TMEM175: variants seen among roughly 807,000 people sequenced by gnomAD.
TMEM175 encodes the protein endosomal/lysosomal proton channel TMEM175.
In TMEM175, 36 loss-of-function variants were observed where a neutral mutation model predicts 36.5. That is an observed-to-expected ratio of 0.99 (90% CI 0.76 to 1.30). The LOEUF is 1.30. Among genes scored for constraint, TMEM175 ranks in the 50% most tolerant of loss-of-function variants. The pLI is 0.00. For missense variants in TMEM175, 705 were observed against 692.8 expected, an observed-to-expected ratio of 1.02 and a Z score of -0.20; for synonymous variants, 339 against 313.4, an observed-to-expected ratio of 1.08 and a Z score of -0.86.
chr4:937,733 T>C (rs1324993911), intron 1 of TMEM175, among the ~76,000 whole-genome samples: 2 of 152,230 alleles, frequency 1.3e-5, no homozygotes, highest in Non-Finnish European at 2.9e-5. Flanking sequence ...ACAAAGACGT[T>C]ACTAGAAAAT....
At chr4:936,926 C>G (rs1726854994) in intron 1 of TMEM175, among the ~76,000 whole-genome samples, 1 of 151,606 alleles carries the variant, frequency 6.6e-6, no homozygotes, top group Non-Finnish European at 1.5e-5. Context: ...CACGGCACTC[C>G]AGTCTAGCGA....
intron 3 of TMEM175, among the ~76,000 whole-genome samples, chr4:949,063 G>C (rs1042649203): frequency 2.6e-5 from 4 of 152,196 alleles, no homozygotes; most frequent in Admixed American, 2.0e-4. Context: ...CCCTCCCTAG[G>C]GGGGCAGCTG....
At position 958,309 on chromosome 4, in the gene TMEM175, TCA is replaced by T; in HGVS notation, c.1329_1330del (p.Phe443LeufsTer106). On this transcript the variant is annotated frameshift_variant, in exon 11 of 11. Coordinates refer to ENST00000264771, the MANE Select transcript of TMEM175 (RefSeq NM_032326.4). LOFTEE classifies it low-confidence loss of function (END_TRUNC). Reference sequence around the variant, plus strand: ...GCCTCCACCTGCCTGCTGAGCAGGTTCAGTGTGGGCATCTTCCACCTCATGCA... The same window carrying T: ...GCCTCCACCTGCCTGCTGAGCAGGTTGTGTGGGCATCTTCCACCTCATGCA... 1 of 1,605,888 alleles carries T rather than the reference TCA, an allele frequency of 6.2e-7. No individual in the cohort carries two copies. Among genetic ancestry groups the T allele is most frequent in the Non-Finnish European group, 8.5e-7 (1 of 1,179,814 alleles).
At chr4:940,443 G>T (rs1443368137) in intron 1 of TMEM175, among the ~76,000 whole-genome samples, 2 of 81,900 alleles carry the variant, frequency 2.4e-5, no homozygotes, top group African/African-American at 5.2e-5. Context: ...AGTGAAACTC[G>T]ATCTCAAAAA....
Position 932,853 on chromosome 4 carries a change from C to T in TMEM175, c.-32+313C>T. 6.6e-6 allele frequency among the ~76,000 whole-genome samples: 1 copy of T among 152,210 alleles called. No homozygotes were observed. The highest frequency in any genetic ancestry group is 1.9e-4 in the East Asian group (1 of 5,184). ...TCCCAGCAGCCAGGCAGGCAGTTTGCAGGGGAAACGCTGCTGCATTGCTCT... is the reference window on the plus strand; with the variant it reads ...TCCCAGCAGCCAGGCAGGCAGTTTGTAGGGGAAACGCTGCTGCATTGCTCT... On this transcript the variant is annotated intron_variant, in intron 1 of 10. Transcript: ENST00000264771. This position sits in a 1 kb window ranked among gnomAD's most constrained non-coding sequence, Gnocchi z 4.0.
intron 3 of TMEM175, chr4:948,370 G>T: frequency 6.5e-7 from 1 of 1,532,844 alleles, no homozygotes; most frequent in Non-Finnish European, 8.7e-7. Flanking sequence ...CTCCTGGGAG[G>T]GTGGGAGACT....
chr4:932,636 G>T lies in TMEM175; in HGVS notation c.-32+96G>T. The T allele has an allele frequency of 2.9e-6, 1 of 348,614 alleles. No homozygotes were observed. Among genetic ancestry groups the T allele is most frequent in the Non-Finnish European group, 5.2e-6 (1 of 194,082 alleles). The allele number at this position is 348,614 out of a possible 1,614,324, so 21.6% of individuals were successfully genotyped here. ...CAGGTGTCTCCGGTTTAAGCGCTTCGCCATCCTCTGGGTGGAGTCAGCCTC... is the reference window on the plus strand; with the variant it reads ...CAGGTGTCTCCGGTTTAAGCGCTTCTCCATCCTCTGGGTGGAGTCAGCCTC... On this transcript the variant is annotated intron_variant, in intron 1 of 10. Coordinates refer to ENST00000264771, the MANE Select transcript of TMEM175 (RefSeq NM_032326.4). This position sits in a 1 kb window ranked among gnomAD's most constrained non-coding sequence, Gnocchi z 4.0.
Position 947,872 on chromosome 4 carries a change from T to C in TMEM175, c.133T>C (p.Ser45Pro). 6.2e-7 allele frequency: 1 copy of C among 1,613,726 alleles called. No individual in the cohort carries two copies. The highest frequency in any genetic ancestry group is 8.5e-7 in the Non-Finnish European group (1 of 1,180,014). The change falls in exon 2 of 11, where the codon TCC becomes CCC. Residue 45 changes from serine (S) to proline (P), a missense_variant. Transcript: ENST00000264771. ...GCTCAGCTTCAGTGACGCCCTGCTG[T>C]CCATCATCGCCACCGTCATGGTCTG... is the stretch of plus-strand genomic sequence containing the variant. The part of the protein sequence containing the change: ...RMLSFSDALL[S>P]IIATVMILPV...
chr4:947,237 C>T (rs1009136429), intron 1 of TMEM175, among the ~76,000 whole-genome samples: 4 of 120,532 alleles, frequency 3.3e-5, no homozygotes, highest in African/African-American at 6.5e-5. Flanking sequence ...CACGTGTGCA[C>T]GGGCCCCGAG....
intron 1 of TMEM175, among the ~76,000 whole-genome samples, chr4:940,972 C>T (rs1727377157): frequency 6.6e-6 from 1 of 150,626 alleles, no homozygotes; most frequent in Non-Finnish European, 1.5e-5. Context: ...TGCCACTGCA[C>T]TCCAGCCTGG....
At chr4:950,704 C>A (rs113987818) in intron 4 of TMEM175, among the ~76,000 whole-genome samples, 186 bp downstream of exon 4, 2 of 151,228 alleles carry the variant, frequency 1.3e-5, no homozygotes, top group African/African-American at 4.9e-5. Flanking sequence ...GTGCAGTAGG[C>A]GGAGGTGTGG....
At position 947,694 on chromosome 4, in the gene TMEM175, T is replaced by C; in HGVS notation, c.-31-15T>C. The C allele has an allele frequency of 6.4e-7, 1 of 1,565,084 alleles. No homozygotes were observed. On this transcript the variant is annotated splice_polypyrimidine_tract_variant and intron_variant, in intron 1 of 10. Transcript: ENST00000264771. ...AGCGCCCCACAGGCACACTCAGACC[T>C]GCCTTTCCTCCCAGGCTCCTGTAAC...
intron 1 of TMEM175, among the ~76,000 whole-genome samples, chr4:941,419 G>C (rs1035057590): frequency 6.8e-6 from 1 of 146,452 alleles, no homozygotes; most frequent in Non-Finnish European, 1.5e-5. Context: ...AAAAAACTCT[G>C]TACTTTCTGC....
rs761365320 is a variant in TMEM175, at chr4:951,716, C to T, written c.377C>T (p.Thr126Met). Residue 126 changes from threonine (T) to methionine (M), a missense_variant and splice_region_variant, in exon 6 of 11, where the codon ACG becomes ATG. Thr to Met is a moderately conservative substitution (Grantham distance 81). Coordinates refer to ENST00000264771, the MANE Select transcript of TMEM175 (RefSeq NM_032326.4). Reference protein sequence around the residue: ...CMMTITFLPYTFSLMVTFPDV... With the variant: ...CMMTITFLPYMFSLMVTFPDV... Reference sequence around the variant, plus strand: ...ATGACCATCACCTTCCTGCCTTACACGGTGAGCAACACCAGGCCCCTGACA... The same window carrying T: ...ATGACCATCACCTTCCTGCCTTACATGGTGAGCAACACCAGGCCCCTGACA... 39 of 1,614,028 alleles carry T rather than the reference C, an allele frequency of 2.4e-5. No individual in the cohort carries two copies. Among genetic ancestry groups the T allele is most frequent in the South Asian group, 1.4e-4 (13 of 91,094 alleles).
In TMEM175 at chr4:942,361, G is replaced by A. The variant is rs549344215; in HGVS notation, c.-31-5348G>A. On this transcript the variant is annotated intron_variant, in intron 1 of 10. Transcript: ENST00000264771. The stretch of plus-strand genomic sequence containing the variant: ...ATTTTGGGCATGAGCCACCATGCCC[G>A]GCCCGAATTCATTCTTTTGCATGTG... Among the ~76,000 whole-genome samples the A allele has an allele frequency of 9.9e-5, 15 of 152,160 alleles. No homozygotes were observed. In the East Asian group the frequency reaches 2.9e-3, roughly 29 times the overall value.
At chr4:936,345 T>A (rs1577378232) in intron 1 of TMEM175, among the ~76,000 whole-genome samples, 1 of 144,746 alleles carries the variant, frequency 6.9e-6, no homozygotes, top group South Asian at 2.2e-4. Flanking sequence ...TAAGAGGAAA[T>A]GAAACCCAAA....
At chr4:944,909 T>C (rs1029795464) in intron 1 of TMEM175, among the ~76,000 whole-genome samples, 8 of 152,152 alleles carry the variant, frequency 5.3e-5, no homozygotes, top group Non-Finnish European at 7.3e-5. Flanking sequence ...AAGACCAGCC[T>C]GGGCAACATG....
intron 9 of TMEM175, 123 bp downstream of exon 9, chr4:955,606 C>T (rs746878066): frequency 2.6e-4 from 375 of 1,427,026 alleles, no homozygotes; most frequent in Non-Finnish European, 3.2e-4. Flanking sequence ...CTGGGGCTCC[C>T]CCACTCCGCC....
In TMEM175 at chr4:958,580, G is replaced by A; in HGVS notation, c.*84G>A. The A allele has an allele frequency of 8.3e-7, 1 of 1,203,858 alleles. No individual in the cohort carries two copies. The highest frequency in any genetic ancestry group is 2.6e-5 in the East Asian group (1 of 38,224). The allele number at this position is 1,203,858 out of a possible 1,614,324, so 74.6% of individuals were successfully genotyped here. A position where few individuals can be genotyped will look rare whatever the true frequency, so the allele number is the denominator to read the frequency against. The stretch of plus-strand genomic sequence containing the variant: ...GCTGGGCAGGGGAAGCCAAGTCACG[G>A]GCAGGCCGCAGTGGTTCTTGCGTGG... On this transcript the variant is annotated 3_prime_UTR_variant, in exon 11 of 11. Transcript: ENST00000264771.
Sources: gnomAD v4.1 joint callset for allele counts (sites outside exome capture counted in the v4.1 genomes callset) on GRCh38, gnomAD v4.1.1 for gene constraint, Gnocchi (gnomAD v3.1) non-coding constraint, MANE v1.5 for transcripts, NCBI Gene and HGNC (gene_info 2026-07-23, HGNC 2026-07-21) for gene names.